NLGN4X: variants seen among roughly 807,000 people sequenced by gnomAD.
NLGN4X encodes neuroligin 4 X-linked.
Under a neutral mutation model 40.3 loss-of-function variants are expected in NLGN4X, and 3 were observed. The ratio of observed to expected loss-of-function variants is 0.07; its 90% CI spans 0.03 to 0.19. The LOEUF (loss-of-function observed/expected upper bound fraction) is 0.19, where lower values mean the gene tolerates loss of function less well. Among genes scored for constraint, NLGN4X ranks in the 10% least tolerant of loss-of-function variants. NLGN4X has a pLI of 1.00. For missense variants in NLGN4X, 382 were observed against 708.3 expected (o/e 0.54, Z 5.23); for synonymous variants, 270 against 306.8 (o/e 0.88, Z 1.25).
intron 2 of NLGN4X, among the ~76,000 whole-genome samples, chrX:6,113,337 C>A (rs982705025): frequency 9.0e-6 from 1 of 111,017 alleles, no homozygotes; most frequent in Non-Finnish European, 1.9e-5. Flanking sequence ...CAATCTTCGC[C>A]AATTTAGCAC....
chrX:6,157,249 C>T (rs2040289200), intron 1 of NLGN4X, among the ~76,000 whole-genome samples: 1 of 111,880 alleles, frequency 8.9e-6, no homozygotes, highest in Non-Finnish European at 1.9e-5. Flanking sequence ...GGGTCAGGAA[C>T]ATGCATGAGC....
chrX:5,949,848 C>T (rs1447626034), intron 3 of NLGN4X, among the ~76,000 whole-genome samples: 1 of 111,353 alleles, frequency 9.0e-6, no homozygotes, highest in Admixed American at 9.6e-5. Flanking sequence ...TGTATGCTGT[C>T]ATGAAACTTA....
chrX:6,180,642 G>T (rs1002164267), intron 1 of NLGN4X, among the ~76,000 whole-genome samples: 3 of 111,175 alleles, frequency 2.7e-5, no homozygotes, highest in Non-Finnish European at 5.7e-5. Context: ...TGTAATGCTG[G>T]GTATGAGAGT....
intron 3 of NLGN4X, among the ~76,000 whole-genome samples, chrX:5,958,019 T>C (rs1409595010): frequency 1.8e-5 from 2 of 111,961 alleles, no homozygotes; most frequent in Non-Finnish European, 3.8e-5. Context: ...AGAAAATTTT[T>C]ATGCATTTAA....
chrX:6,010,028 G>C (rs1012576980), intron 3 of NLGN4X, among the ~76,000 whole-genome samples: 7 of 112,270 alleles, frequency 6.2e-5, no homozygotes, highest in African/African-American at 2.3e-4. Flanking sequence ...CAATGTGATG[G>C]AGAATCACAA....
At chrX:6,040,730 G>A (rs1332755035) in intron 2 of NLGN4X, among the ~76,000 whole-genome samples, 1 of 111,524 alleles carries the variant, frequency 9.0e-6, no homozygotes, top group Non-Finnish European at 1.9e-5. Flanking sequence ...TGCCTACCTT[G>A]TTCTGTTCTA....
chrX:6,210,323 T>C (rs190234829), intron 1 of NLGN4X, among the ~76,000 whole-genome samples: 40 of 109,433 alleles, frequency 3.7e-4, no homozygotes, highest in Non-Finnish European at 5.3e-4. Context: ...CCCCTCTATC[T>C]TTGCTTCTCA....
intron 3 of NLGN4X, among the ~76,000 whole-genome samples, chrX:5,931,618 T>C (rs1246398035): frequency 9.0e-6 from 1 of 111,656 alleles, no homozygotes; most frequent in Non-Finnish European, 1.9e-5. Context: ...ATGAGAAGCA[T>C]ACACAACGTG....
chrX:6,122,407 T>A (rs2039445172), intron 2 of NLGN4X, among the ~76,000 whole-genome samples: 1 of 110,310 alleles, frequency 9.1e-6, no homozygotes, highest in Non-Finnish European at 1.9e-5. Context: ...CCCAGGTAAT[T>A]TTTGTATTTT....
chrX:6,183,188 A>C (rs1921651377), intron 1 of NLGN4X, among the ~76,000 whole-genome samples: 1 of 112,591 alleles, frequency 8.9e-6, no homozygotes, highest in East Asian at 2.8e-4. Context: ...TCTGCTTTCT[A>C]AGCCCGGAAA....
intron 2 of NLGN4X, among the ~76,000 whole-genome samples, chrX:6,063,264 T>C (rs773099704): frequency 2.7e-5 from 3 of 111,837 alleles, no homozygotes; most frequent in Non-Finnish European, 5.6e-5. Context: ...TGCTTGAACC[T>C]AGGAGTTCCA....
At position 6,228,743 on chromosome X, in the gene NLGN4X, G is replaced by C. The variant is rs984432045; in HGVS notation, c.-508C>G. On this transcript the variant is annotated 5_prime_UTR_variant, in exon 1 of 6. Coordinates refer to ENST00000381095, the MANE Select transcript of NLGN4X (RefSeq NM_181332.3). ...CCGCCTAGTTTGGAGGAAATTCGTT[G>C]TTTCTGCCGCCAATAGTCTGTGGAC... 1.8e-5 allele frequency: 2 copies of C among 111,777 alleles called. No homozygotes were observed. The highest frequency in any genetic ancestry group is 6.5e-5 in the African/African-American group (2 of 30,654). The allele number at this position is 111,777 out of a possible 1,213,427, so 9.2% of individuals were successfully genotyped here. A position where few individuals can be genotyped will look rare whatever the true frequency, so the allele number is the denominator to read the frequency against.
chrX:6,203,973 C>T (rs1374065729), intron 1 of NLGN4X, among the ~76,000 whole-genome samples: 3 of 112,175 alleles, frequency 2.7e-5, no homozygotes, highest in East Asian at 2.8e-4. Context: ...GACGTGCATG[C>T]CTTGTAGTAT....
intron 1 of NLGN4X, among the ~76,000 whole-genome samples, chrX:6,222,796 C>G (rs943818199): frequency 1.4e-4 from 16 of 112,178 alleles, no homozygotes; most frequent in African/African-American, 5.2e-4. Flanking sequence ...CCATGCTATT[C>G]TTATGATAGT....
At chrX:6,221,695 G>C (rs185890577) in intron 1 of NLGN4X, among the ~76,000 whole-genome samples, 1 of 109,934 alleles carries the variant, frequency 9.1e-6, no homozygotes, top group African/African-American at 3.3e-5. Context: ...TAGTCACAGA[G>C]AGTACTGAAG....
At position 6,008,818 on chromosome X, in the gene NLGN4X, T is replaced by C. The variant is rs995073234; in HGVS notation, c.625+20462A>G. 8.9e-5 allele frequency among the ~76,000 whole-genome samples: 10 copies of C among 111,979 alleles called. No individual in the cohort carries two copies. In the Admixed American group the frequency reaches 9.5e-4, roughly 11 times the overall value. ...ATTTTGTACCTTTCCAAACTGAAAC[T>C]CTATCCATTAGGAAATAATTTTCCA... is the stretch of plus-strand genomic sequence containing the variant. On this transcript the variant is annotated intron_variant, in intron 3 of 5. Coordinates refer to ENST00000381095, the MANE Select transcript of NLGN4X (RefSeq NM_181332.3).
intron 3 of NLGN4X, among the ~76,000 whole-genome samples, chrX:5,933,385 G>A (rs1398453154): frequency 9.0e-6 from 1 of 111,303 alleles, no homozygotes; most frequent in Non-Finnish European, 1.9e-5. Flanking sequence ...CACTAGGGGT[G>A]GGACTAAAAA....
At chrX:6,217,856 G>GCTACTA (rs1306988785) in intron 1 of NLGN4X, among the ~76,000 whole-genome samples, 1 of 111,211 alleles carries the variant, frequency 9.0e-6, no homozygotes, top group African/African-American at 3.3e-5. Flanking sequence ...CTTCCTACTG[G>GCTACTA]GTTACATTTT....
chrX:6,186,005 TAA>T (rs1319357721), intron 1 of NLGN4X, among the ~76,000 whole-genome samples: 2 of 112,689 alleles, frequency 1.8e-5, no homozygotes, highest in African/African-American at 6.4e-5. Context: ...GCTCTGTGTT[TAA>T]GAGTTGTAGT....
Sources: allele counts gnomAD v4.1 joint callset (sites outside exome capture counted in the v4.1 genomes callset), GRCh38; gene constraint gnomAD v4.1.1; transcripts MANE v1.5; gene names NCBI Gene and HGNC (gene_info 2026-07-23, HGNC 2026-07-21).